The following ARHGAP15 variants were observed in gnomAD, a reference collection of about 807,000 sequenced individuals.
ARHGAP15 encodes the protein rho GTPase-activating protein 15.
A neutral mutation model predicts 63.7 loss-of-function variants in ARHGAP15; 51 were observed. That is an observed-to-expected ratio of 0.80 (90% CI 0.64 to 1.01). ARHGAP15 has a LOEUF of 1.01. Among genes scored for constraint, ARHGAP15 ranks in the 50% least tolerant of loss-of-function variants. The probability of loss-of-function intolerance (pLI) is 0.00; values close to 1 mark genes in which losing one functional copy is unlikely to be tolerated. For synonymous variants in ARHGAP15, 191 were observed against 193.8 expected (o/e 0.99, Z 0.12); for missense variants, 560 against 564.6 (o/e 0.99, Z 0.08).
At position 143,218,791 on chromosome 2, in the gene ARHGAP15, C is replaced by T. The variant is rs1219018915; in HGVS notation, c.296+2346C>T. 4.6e-5 allele frequency among the ~76,000 whole-genome samples: 7 copies of T among 152,166 alleles called. No homozygotes were observed. The East Asian group carries it at 9.7e-4, about 21-fold the overall frequency. ...ATGGTATGTGATATAGCCTATTGCT[C>T]CTAGGCTACAAACATTTACAGTATG... On this transcript the variant is annotated intron_variant, in intron 4 of 13. Transcript: ENST00000295095.
At chr2:143,462,270 G>A (rs1213468962) in intron 8 of ARHGAP15, among the ~76,000 whole-genome samples, 1 of 152,140 alleles carries the variant, frequency 6.6e-6, no homozygotes, top group Non-Finnish European at 1.5e-5. Context: ...GCTGGGAATT[G>A]TTGTGTTCAC....
At chr2:143,390,605 T>TC (rs952703506) in intron 6 of ARHGAP15, among the ~76,000 whole-genome samples, 12 of 151,986 alleles carry the variant, frequency 7.9e-5, no homozygotes, top group African/African-American at 2.7e-4. Context: ...ACTCTCCGCT[T>TC]CCCCCTCCCT....
intron 9 of ARHGAP15, among the ~76,000 whole-genome samples, chr2:143,511,614 A>G (rs1165210457): frequency 6.6e-6 from 1 of 152,068 alleles, no homozygotes; most frequent in Non-Finnish European, 1.5e-5. Flanking sequence ...GAGAGTAGAA[A>G]TAATCCTTAA....
intron 8 of ARHGAP15, among the ~76,000 whole-genome samples, chr2:143,443,443 T>TC (rs1390917601): frequency 6.6e-6 from 1 of 151,360 alleles, no homozygotes; most frequent in African/African-American, 2.4e-5. Flanking sequence ...TTTTTTTTTT[T>TC]CCCCAAAATA....
At chr2:143,742,917 C>T (rs1026874295) in intron 13 of ARHGAP15, among the ~76,000 whole-genome samples, 9 of 152,198 alleles carry the variant, frequency 5.9e-5, no homozygotes, top group Admixed American at 3.3e-4. Context: ...TGCCAGCTGT[C>T]TTTATTCTCC....
chr2:143,567,110 C>T (rs562150142), intron 11 of ARHGAP15, among the ~76,000 whole-genome samples: 4 of 152,208 alleles, frequency 2.6e-5, no homozygotes, highest in South Asian at 2.1e-4. Context: ...CTCCTGACCT[C>T]GTGATCTGCC....
At chr2:143,659,948 A>G (rs192647338) in intron 12 of ARHGAP15, among the ~76,000 whole-genome samples, 1 of 152,276 alleles carries the variant, frequency 6.6e-6, no homozygotes, top group Admixed American at 6.5e-5. Context: ...TTAAGGAAAC[A>G]TGCTAGAAGT....
intron 6 of ARHGAP15, among the ~76,000 whole-genome samples, chr2:143,397,218 A>G (rs1687800465): frequency 6.6e-6 from 1 of 150,874 alleles, no homozygotes; most frequent in South Asian, 2.1e-4. Context: ...ATTTCATCTC[A>G]ATGAAGTAGT....
chr2:143,697,545 T>C (rs904748309), intron 12 of ARHGAP15, among the ~76,000 whole-genome samples: 1 of 152,206 alleles, frequency 6.6e-6, no homozygotes, highest in Non-Finnish European at 1.5e-5. Flanking sequence ...CTTTTCCAGA[T>C]TCCTGAGAAG....
intron 11 of ARHGAP15, among the ~76,000 whole-genome samples, chr2:143,614,881 C>T (rs1036167293): frequency 4.6e-5 from 7 of 152,166 alleles, no homozygotes; most frequent in Non-Finnish European, 1.0e-4. Context: ...CACAAACTAT[C>T]GGCAGAGACC....
At chr2:143,641,796 C>T (rs1435081112) in intron 12 of ARHGAP15, among the ~76,000 whole-genome samples, 1 of 152,048 alleles carries the variant, frequency 6.6e-6, no homozygotes, top group Non-Finnish European at 1.5e-5. Context: ...GGACTTTTGG[C>T]TATATTTAGC....
At chr2:143,487,927 A>G (rs1172287421) in intron 9 of ARHGAP15, among the ~76,000 whole-genome samples, 2 of 152,236 alleles carry the variant, frequency 1.3e-5, no homozygotes, top group African/African-American at 2.4e-5. Flanking sequence ...TCCTAGTCAT[A>G]GTCTGAAGTA....
chr2:143,253,853 CACAA>C (rs549229137), intron 6 of ARHGAP15, among the ~76,000 whole-genome samples: 43 of 152,008 alleles, frequency 2.8e-4, no homozygotes, highest in Non-Finnish European at 6.0e-4. Context: ...CACTTCCACA[CACAA>C]ACACAGAAAG....
chr2:143,535,285 C>T (rs931857652), intron 10 of ARHGAP15, among the ~76,000 whole-genome samples: 54 of 152,026 alleles, frequency 3.6e-4, no homozygotes, highest in African/African-American at 1.3e-3. Context: ...ATGTACTTGC[C>T]CCCTTATTCT....
At chr2:143,744,300 C>A (rs1686076241) in intron 13 of ARHGAP15, among the ~76,000 whole-genome samples, 1 of 152,180 alleles carries the variant, frequency 6.6e-6, no homozygotes, top group South Asian at 2.1e-4. Context: ...AACATAAACA[C>A]TTGGCTAAGG....
rs1391963631 is a variant in ARHGAP15 at position 143,453,432 on chromosome 2, T to TTAAG, written c.703+16394_703+16397dup. Among the ~76,000 whole-genome samples the TTAAG allele has an allele frequency of 7.2e-5, 11 of 152,120 alleles. No homozygotes were observed. In the South Asian group the frequency reaches 2.3e-3, roughly 32 times the overall value. The stretch of plus-strand genomic sequence containing the variant: ...GAGTTGATTGGAAGCATAAATTAGA[T>TTAAG]TAAGTAATGTAACGTTTATAGCATT... On this transcript the variant is annotated intron_variant, in intron 8 of 13. Transcript: ENST00000295095.
chr2:143,624,238 G>GT lies in ARHGAP15; in HGVS notation c.1112dup (p.Phe372LeufsTer2). 6.2e-7 allele frequency: 1 copy of GT among 1,613,434 alleles called. No individual in the cohort carries two copies. The highest frequency in any genetic ancestry group is 8.5e-7 in the Non-Finnish European group (1 of 1,179,654). ...CTGCCTGAGCCGCTCTTCCCTTACAGTTTCTTTGAGCAGTTTGTGGAAGCG... is the reference window on the plus strand; with the variant it reads ...CTGCCTGAGCCGCTCTTCCCTTACAGTTTTCTTTGAGCAGTTTGTGGAAGCG... On this transcript the variant is annotated frameshift_variant, in exon 12 of 14. Coordinates refer to ENST00000295095, the MANE Select transcript of ARHGAP15 (RefSeq NM_018460.4). LOFTEE classifies it high-confidence loss of function.
intron 10 of ARHGAP15, among the ~76,000 whole-genome samples, chr2:143,530,642 A>C (rs765685061): frequency 1.3e-5 from 2 of 152,024 alleles, no homozygotes; most frequent in African/African-American, 4.8e-5. Context: ...ATCTTTCACC[A>C]TCACCACTTT....
At chr2:143,329,517 A>T (rs1009215255) in intron 6 of ARHGAP15, among the ~76,000 whole-genome samples, 8 of 152,168 alleles carry the variant, frequency 5.3e-5, no homozygotes, top group African/African-American at 1.9e-4. Flanking sequence ...GCCTCAGAAG[A>T]TACAGTAACC....
Sources: allele counts gnomAD v4.1 joint callset (sites outside exome capture counted in the v4.1 genomes callset), GRCh38; gene constraint gnomAD v4.1.1; transcripts MANE v1.5; gene names NCBI Gene and HGNC (gene_info 2026-07-23, HGNC 2026-07-21).